SPATA6L: variants seen among roughly 807,000 people sequenced by gnomAD.
SPATA6L encodes the protein spermatogenesis associated 6 like, also known as spermatogenesis associated 6-like protein.
A neutral mutation model predicts 49.2 loss-of-function variants in SPATA6L; 68 were observed. The observed-to-expected ratio is 1.38, with a 90% CI of 1.14 to 1.69. The LOEUF (loss-of-function observed/expected upper bound fraction) is 1.69. SPATA6L is among the 40% of genes most tolerant of loss of function. The pLI, the probability that SPATA6L is intolerant of heterozygous loss-of-function variation, is 0.00. For missense variants in SPATA6L, 668 were observed against 464.3 expected (o/e 1.44, Z -4.03); for synonymous variants, 198 against 165.7 (o/e 1.19, Z -1.50).
intron 1 of SPATA6L, chr9:4,663,363 T>G: frequency 7.8e-7 from 1 of 1,277,408 alleles, no homozygotes; most frequent in Admixed American, 2.1e-5. Context: ...TCTTAGGCAT[T>G]TCAGGCTTCC....
At chr9:4,620,574 G>A (rs1587122023) in intron 7 of SPATA6L, among the ~76,000 whole-genome samples, 1 of 152,194 alleles carries the variant, frequency 6.6e-6, no homozygotes, top group Non-Finnish European at 1.5e-5. Context: ...CTGGATGAAT[G>A]AGCTGACAGG....
intron 1 of SPATA6L, chr9:4,663,200 G>A (rs1587578155): frequency 6.2e-7 from 1 of 1,614,074 alleles, no homozygotes; most frequent in Non-Finnish European, 8.5e-7. Flanking sequence ...ACAGCATCGT[G>A]GACTATTGCT....
At chr9:4,639,908 T>C (rs543343796) in intron 3 of SPATA6L, among the ~76,000 whole-genome samples, 3 of 152,352 alleles carry the variant, frequency 2.0e-5, no homozygotes, top group African/African-American at 7.2e-5. Context: ...CTCTGAGAGT[T>C]TGACCTGTCA....
rs982224795 is a variant in SPATA6L at position 4,598,974 on chromosome 9, G to A, written c.*1837C>T. ...ACTGACCAGAAGTATTTTAAACTTG[G>A]GTTTTGGTTTTTGTTTTTGTATTTT... On this transcript the variant is annotated 3_prime_UTR_variant, in exon 12 of 12. Coordinates refer to ENST00000682582, the MANE Select transcript of SPATA6L (RefSeq NM_001353486.2). 6.6e-6 allele frequency among the ~76,000 whole-genome samples: 1 copy of A among 152,152 alleles called. No individual in the cohort carries two copies. The highest frequency in any genetic ancestry group is 1.5e-5 in the Non-Finnish European group (1 of 68,024).
intron 5 of SPATA6L, 129 bp from the exon 6 acceptor site, chr9:4,625,695 A>T (rs1212530855): frequency 1.7e-6 from 1 of 578,582 alleles, no homozygotes; most frequent in Non-Finnish European, 2.7e-6. Flanking sequence ...CAGATTTATA[A>T]AACATAAACT....
At chr9:4,623,094 G>C (rs1397595922) in intron 6 of SPATA6L, among the ~76,000 whole-genome samples, 1 of 152,082 alleles carries the variant, frequency 6.6e-6, no homozygotes, top group African/African-American at 2.4e-5. Flanking sequence ...AGCCTGACCA[G>C]CATGGAGAAA....
At chr9:4,619,409 C>T (rs1465386057) in intron 7 of SPATA6L, among the ~76,000 whole-genome samples, 1 of 152,086 alleles carries the variant, frequency 6.6e-6, no homozygotes, top group Non-Finnish European at 1.5e-5. Flanking sequence ...CCACCCGCCT[C>T]AGCCTCCCAA....
intron 3 of SPATA6L, among the ~76,000 whole-genome samples, chr9:4,644,800 G>A (rs370529900): frequency 1.3e-5 from 2 of 151,944 alleles, no homozygotes; most frequent in African/African-American, 4.8e-5. Context: ...CCACTGGGTG[G>A]CAGGTCCTAA....
chr9:4,609,326 T>G (rs562799250), intron 9 of SPATA6L, among the ~76,000 whole-genome samples: 4 of 151,878 alleles, frequency 2.6e-5, no homozygotes, highest in African/African-American at 4.9e-5. Context: ...TACCAAAGCC[T>G]GGCAGAGACA....
Position 4,659,998 on chromosome 9 carries a change from T to C in SPATA6L, c.177+1901A>G, listed in dbSNP as rs188416801. The stretch of plus-strand genomic sequence containing the variant: ...CCATATGTAGAAAGCTGAAACTGGA[T>C]CCTTTCCTTACACCTTATACAAAAA... On this transcript the variant is annotated intron_variant, in intron 2 of 11. Transcript: ENST00000682582. Among the ~76,000 whole-genome samples, 38 of 152,352 alleles carry C rather than the reference T, an allele frequency of 2.5e-4. No individual in the cohort carries two copies. In the East Asian group the frequency reaches 6.9e-3, roughly 28 times the overall value.
At position 4,659,974 on chromosome 9, in the gene SPATA6L, C is replaced by CG. The variant is rs1839226248; in HGVS notation, c.177+1924_177+1925insC. On this transcript the variant is annotated intron_variant, in intron 2 of 11. Coordinates refer to ENST00000682582, the MANE Select transcript of SPATA6L (RefSeq NM_001353486.2). ...AATGGTGCTGGGAAAACTGGCTAACCATATGTAGAAAGCTGAAACTGGATC... is the reference window on the plus strand; with the variant it reads ...AATGGTGCTGGGAAAACTGGCTAACCGATATGTAGAAAGCTGAAACTGGATC... 1.2e-4 allele frequency among the ~76,000 whole-genome samples: 19 copies of CG among 152,264 alleles called. No individual in the cohort carries two copies. In the South Asian group the frequency reaches 3.9e-3, roughly 32 times the overall value.
chr9:4,655,953 T>C (rs995889060), intron 3 of SPATA6L, 88 bp downstream of exon 3: 8 of 1,007,650 alleles, frequency 7.9e-6, no homozygotes, highest in African/African-American at 3.3e-5. Context: ...CATGAACATA[T>C]CACAGTTTAG....
intron 3 of SPATA6L, among the ~76,000 whole-genome samples, chr9:4,643,462 T>C (rs1282652488): frequency 6.6e-6 from 1 of 152,126 alleles, no homozygotes; most frequent in African/African-American, 2.4e-5. Flanking sequence ...AATTCTATTA[T>C]TTGTAAATAT....
At chr9:4,635,159 A>T in intron 4 of SPATA6L, 116 bp downstream of exon 4, 2 of 1,141,600 alleles carry the variant, frequency 1.8e-6, no homozygotes, top group Non-Finnish European at 2.3e-6. Flanking sequence ...CAGAGCTACT[A>T]AACAGAACAG....
chr9:4,644,596 AAG>A (rs1159950591), intron 3 of SPATA6L, among the ~76,000 whole-genome samples: 19 of 151,798 alleles, frequency 1.3e-4, no homozygotes, highest in African/African-American at 4.6e-4. Flanking sequence ...CATTTTGAGA[AAG>A]AAAAAAAGCA....
intron 5 of SPATA6L, chr9:4,628,023 T>C (rs1041771680): frequency 2.8e-6 from 1 of 353,742 alleles, no homozygotes; most frequent in South Asian, 2.2e-5. Context: ...TTATATATTC[T>C]CACTTATTTG....
chr9:4,590,470 T>C (rs191429091), intron 13 of SPATA6L, among the ~76,000 whole-genome samples: 11 of 152,348 alleles, frequency 7.2e-5, no homozygotes, highest in Non-Finnish European at 1.0e-4. Flanking sequence ...GTGACACTTA[T>C]GGTTTCATCT....
chr9:4,647,728 G>T (rs1835732105), intron 3 of SPATA6L, among the ~76,000 whole-genome samples: 1 of 151,824 alleles, frequency 6.6e-6, no homozygotes. Context: ...ATAAAATTCA[G>T]ATCTTTAAGA....
At chr9:4,646,468 G>C in intron 3 of SPATA6L, 1 of 1,497,254 alleles carries the variant, frequency 6.7e-7, no homozygotes, top group Non-Finnish European at 8.9e-7. Flanking sequence ...ATTTAGAAAC[G>C]GATTTACTGC....
Sources: gnomAD v4.1 joint callset for allele counts (sites outside exome capture counted in the v4.1 genomes callset) on GRCh38, gnomAD v4.1.1 for gene constraint, MANE v1.5 for transcripts, NCBI Gene and HGNC (gene_info 2026-07-23, HGNC 2026-07-21) for gene names.